The following SLC4A4 variants were observed in gnomAD, a reference collection of about 807,000 sequenced individuals.
The protein encoded by SLC4A4 is electrogenic sodium bicarbonate cotransporter 1.
SLC4A4 carries 27 observed loss-of-function variants against 111.5 expected under a neutral mutation model. That is an observed-to-expected ratio of 0.24 (90% CI 0.18 to 0.33). The LOEUF (loss-of-function observed/expected upper bound fraction) is 0.33. Among genes scored for constraint, SLC4A4 ranks in the 10% least tolerant of loss-of-function variants. The probability of loss-of-function intolerance (pLI) is 1.00; values close to 1 mark genes in which losing one functional copy is unlikely to be tolerated. For missense variants in SLC4A4, 909 were observed against 1,315.5 expected, an observed-to-expected ratio of 0.69 and a Z score of 4.78; for synonymous variants, 443 against 463.4, an observed-to-expected ratio of 0.96 and a Z score of 0.57.
intron 4 of SLC4A4, among the ~76,000 whole-genome samples, chr4:71,345,670 A>T (rs1029540766): frequency 2.0e-5 from 3 of 152,054 alleles, no homozygotes; most frequent in Non-Finnish European, 2.9e-5. Context: ...AAGCACCAAC[A>T]TGTGCACTTA....
intron 6 of SLC4A4, among the ~76,000 whole-genome samples, chr4:71,374,983 T>C (rs1371308030): frequency 6.6e-6 from 1 of 152,216 alleles, no homozygotes; most frequent in Non-Finnish European, 1.5e-5. Flanking sequence ...CTTTGATTAA[T>C]GCAACTTTGA....
chr4:71,256,107 A>C (rs1228454275), intron 3 of SLC4A4, among the ~76,000 whole-genome samples: 1 of 152,180 alleles, frequency 6.6e-6, no homozygotes, highest in Non-Finnish European at 1.5e-5. Flanking sequence ...CATGGGCCAA[A>C]TATTGTGGCT....
intron 2 of SLC4A4, among the ~76,000 whole-genome samples, chr4:71,100,731 TAAAC>T (rs747798067): frequency 1.4e-4 from 22 of 152,282 alleles, no homozygotes; most frequent in Admixed American, 4.6e-4. Flanking sequence ...CTTCAGGTGA[TAAAC>T]AACTTCAGCA....
chr4:71,156,620 A>ACACACACACAC, intron 2 of SLC4A4, among the ~76,000 whole-genome samples: 1 of 151,650 alleles, frequency 6.6e-6, no homozygotes, highest in African/African-American at 2.4e-5. Flanking sequence ...ACACATACAC[A>ACACACACACAC]TTGTGATTCT....
chr4:71,078,815 A>ATTGT (rs770211955), intron 1 of SLC4A4, among the ~76,000 whole-genome samples: 1 of 151,324 alleles, frequency 6.6e-6, no homozygotes, highest in Non-Finnish European at 1.5e-5. Flanking sequence ...GGTGTTTTTT[A>ATTGT]TTGTTTGTTT....
At chr4:71,111,922 C>T (rs1374646490) in intron 2 of SLC4A4, among the ~76,000 whole-genome samples, 2 of 152,076 alleles carry the variant, frequency 1.3e-5, no homozygotes, top group Non-Finnish European at 2.9e-5. Context: ...GTCTTGAACT[C>T]CTGCCCTCAA....
intron 3 of SLC4A4, among the ~76,000 whole-genome samples, chr4:71,321,659 C>A (rs1164099572): frequency 2.0e-5 from 3 of 151,840 alleles, no homozygotes; most frequent in Non-Finnish European, 4.4e-5. Flanking sequence ...TGGCAGAAGG[C>A]ATCACAAAGC....
At chr4:71,349,320 GGGGAA>G in intron 4 of SLC4A4, among the ~76,000 whole-genome samples, 1 of 152,250 alleles carries the variant, frequency 6.6e-6, no homozygotes, top group African/African-American at 2.4e-5. Flanking sequence ...CACAATAAGA[GGGGAA>G]TATGCATCAG....
intron 2 of SLC4A4, among the ~76,000 whole-genome samples, chr4:71,113,469 G>A (rs558900233): frequency 1.1e-4 from 17 of 152,140 alleles, no homozygotes; most frequent in Non-Finnish European, 2.5e-4. Context: ...GACCACTAGT[G>A]GGCACTGAAG....
chr4:71,221,961 G>C (rs1427925523), intron 1 of SLC4A4, among the ~76,000 whole-genome samples: 2 of 152,148 alleles, frequency 1.3e-5, no homozygotes. Context: ...TGCTACACTA[G>C]TTGTGGCCCC....
chr4:71,303,776 CCCTTTTTT>C (rs377674870), intron 3 of SLC4A4, among the ~76,000 whole-genome samples: 1 of 152,162 alleles, frequency 6.6e-6, no homozygotes, highest in Non-Finnish European at 1.5e-5. Context: ...TCCCCTCCCT[CCCTTTTTT>C]CCTTTTTTCC....
upstream of SLC4A4, among the ~76,000 whole-genome samples, chr4:71,184,826 C>T (rs900587827): frequency 1.3e-5 from 2 of 152,096 alleles, no homozygotes; most frequent in Non-Finnish European, 2.9e-5. Flanking sequence ...AAGGAAAACA[C>T]GTATATCTCA....
intron 1 of SLC4A4, among the ~76,000 whole-genome samples, chr4:71,200,900 TG>T (rs1453715167): frequency 2.6e-5 from 4 of 152,142 alleles, no homozygotes; most frequent in African/African-American, 9.7e-5. Flanking sequence ...AGTAATCATG[TG>T]GCAAGTTTCA....
intron 6 of SLC4A4, among the ~76,000 whole-genome samples, chr4:71,381,141 G>C (rs1718101607): frequency 6.6e-6 from 1 of 152,152 alleles, no homozygotes; most frequent in African/African-American, 2.4e-5. Context: ...AGTCTTACTA[G>C]GTGAATGTAG....
At chr4:71,317,734 A>G (rs970905717) in intron 3 of SLC4A4, among the ~76,000 whole-genome samples, 1 of 152,072 alleles carries the variant, frequency 6.6e-6, no homozygotes, top group African/African-American at 2.4e-5. Context: ...GAAGCACACT[A>G]TAGCAGGAAG....
chr4:71,381,647 C>T (rs1718153193), intron 6 of SLC4A4, among the ~76,000 whole-genome samples: 1 of 152,108 alleles, frequency 6.6e-6, no homozygotes, highest in Non-Finnish European at 1.5e-5. Flanking sequence ...ATTCTTTGCT[C>T]ACTACTCAGC....
chr4:71,083,452 ATTACC>A (rs1742051108), intron 1 of SLC4A4, among the ~76,000 whole-genome samples: 4 of 151,832 alleles, frequency 2.6e-5, no homozygotes, highest in Non-Finnish European at 4.4e-5. Context: ...CTCTTGCCTT[ATTACC>A]TCTGAAAAAT....
chr4:71,411,235 C>T (rs989959688), intron 7 of SLC4A4, among the ~76,000 whole-genome samples: 1 of 152,170 alleles, frequency 6.6e-6, no homozygotes, highest in Admixed American at 6.5e-5. Flanking sequence ...GGCAGTCTCC[C>T]TCCTACCTTT....
intron 16 of SLC4A4, among the ~76,000 whole-genome samples, chr4:71,507,174 C>T (rs1052403067): frequency 7.2e-5 from 11 of 152,006 alleles, no homozygotes; most frequent in African/African-American, 2.4e-4. Context: ...CACCATAAGG[C>T]GACCACATAA....
Sources: gnomAD v4.1 joint callset for allele counts (sites outside exome capture counted in the v4.1 genomes callset) on GRCh38, gnomAD v4.1.1 for gene constraint, MANE v1.5 for transcripts, NCBI Gene and HGNC (gene_info 2026-07-23, HGNC 2026-07-21) for gene names.